Variants in RRAGD observed in about 807,000 individuals in gnomAD.
RRAGD encodes the protein ras-related GTP-binding protein D.
RRAGD carries 12 observed loss-of-function variants against 35.5 expected under a neutral mutation model. The ratio of observed to expected loss-of-function variants is 0.34; its 90% CI spans 0.22 to 0.55. The LOEUF (loss-of-function observed/expected upper bound fraction) is 0.55. RRAGD is among the 20% of genes least tolerant of loss of function. The pLI is 0.91. For missense variants in RRAGD, 324 were observed against 490.1 expected (o/e 0.66, Z 3.20); for synonymous variants, 155 against 178.9 (o/e 0.87, Z 1.07).
At chr6:89,403,855 G>A (rs985821406) in intron 1 of RRAGD, among the ~76,000 whole-genome samples, 2 of 151,790 alleles carry the variant, frequency 1.3e-5, no homozygotes, top group Non-Finnish European at 1.5e-5. Flanking sequence ...GCAGGGTCTC[G>A]CCATGTTGTC....
chr6:89,406,604 C>G (rs906005127), intron 1 of RRAGD, among the ~76,000 whole-genome samples: 4 of 152,150 alleles, frequency 2.6e-5, no homozygotes, highest in African/African-American at 7.2e-5. Flanking sequence ...CCTTCTGGCT[C>G]CCCTATCTGC....
At chr6:89,400,538 G>A (rs1395201141) in intron 1 of RRAGD, among the ~76,000 whole-genome samples, 2 of 151,836 alleles carry the variant, frequency 1.3e-5, no homozygotes, top group Admixed American at 6.6e-5. Flanking sequence ...ATAGAGCCTG[G>A]GTAGCTTAGC....
chr6:89,387,805 G>A (rs1192962475), intron 1 of RRAGD, among the ~76,000 whole-genome samples: 5 of 151,954 alleles, frequency 3.3e-5, no homozygotes, highest in Non-Finnish European at 5.9e-5. Context: ...CAGGCAAAGG[G>A]GACAGCTTTT....
chr6:89,389,075 G>A (rs796069128), intron 1 of RRAGD, among the ~76,000 whole-genome samples: 20 of 152,284 alleles, frequency 1.3e-4, no homozygotes, highest in African/African-American at 4.1e-4. Flanking sequence ...GCCATGCAGC[G>A]CAGTTCCTAA....
chr6:89,409,670 G>A (rs1769657972), intron 1 of RRAGD, among the ~76,000 whole-genome samples: 1 of 152,164 alleles, frequency 6.6e-6, no homozygotes, highest in Non-Finnish European at 1.5e-5. Context: ...ACAGCCATCA[G>A]GAGCAGTCCT....
Position 89,368,206 on chromosome 6 carries a change from C to T in RRAGD, c.1053G>A (p.Gly351=). Residue 351 remains glycine (G), a splice_region_variant and synonymous_variant, in exon 7 of 7, where the codon GGG becomes GGA. Transcript: ENST00000369415. The part of the protein sequence containing the change: ...FVREESFERK[G]LIDYNFHCFR... ...AGCAATGAAAATTATAGTCAATTAG[C>T]CCTGGAGAAGAGAACAAAAATATTT... The T allele has an allele frequency of 6.2e-7, 1 of 1,609,712 alleles. No individual in the cohort carries two copies. Among genetic ancestry groups the T allele is most frequent in the Non-Finnish European group, 8.5e-7 (1 of 1,178,706 alleles).
rs1768767959 is a variant in RRAGD at position 89,367,209 on chromosome 6, G to A, written c.*847C>T. On this transcript the variant is annotated 3_prime_UTR_variant, in exon 7 of 7. Transcript: ENST00000369415. The stretch of plus-strand genomic sequence containing the variant: ...GGCCTCTGATGTTACTTTAGCCCTG[G>A]GTGGTAGGTACAGAAAAGCCTCCAG... 6.6e-6 allele frequency: 1 copy of A among 152,122 alleles called. No homozygotes were observed. Among genetic ancestry groups the A allele is most frequent in the South Asian group, 2.1e-4 (1 of 4,820 alleles). 9.4% of individuals were successfully genotyped at this position (152,122 alleles called of 1,614,324 possible). A position where few individuals can be genotyped will look rare whatever the true frequency, so the allele number is the denominator to read the frequency against.
At chr6:89,410,382 A>G (rs965491888) in intron 1 of RRAGD, among the ~76,000 whole-genome samples, 9 of 152,244 alleles carry the variant, frequency 5.9e-5, no homozygotes, top group African/African-American at 2.2e-4. Flanking sequence ...GAGTCTTCTA[A>G]GAATCTGGGA....
At chr6:89,406,686 A>G (rs1000771939) in intron 1 of RRAGD, among the ~76,000 whole-genome samples, 121 of 152,220 alleles carry the variant, frequency 7.9e-4, no homozygotes, top group Middle Eastern at 3.2e-3. Context: ...TTCTTCCGGT[A>G]CACCAAGGCA....
chr6:89,404,241 A>G (rs570029897), intron 1 of RRAGD, among the ~76,000 whole-genome samples: 2 of 152,378 alleles, frequency 1.3e-5, no homozygotes, highest in African/African-American at 4.8e-5. Context: ...GTAGCTTAAC[A>G]AAATTAAAAT....
In RRAGD at chr6:89,370,478, G is replaced by A. The variant is rs542745125; in HGVS notation, c.1051+1959C>T. Among the ~76,000 whole-genome samples, 9 of 152,146 alleles carry A rather than the reference G, an allele frequency of 5.9e-5. No homozygotes were observed. In the East Asian group the frequency reaches 9.6e-4, roughly 16 times the overall value. On this transcript the variant is annotated intron_variant, in intron 6 of 6. Transcript: ENST00000369415. ...CAAAATAAGTATTCATATTCTCTTC[G>A]CAGCATAAAACCAGAAAATCTTTCT...
intron 1 of RRAGD, among the ~76,000 whole-genome samples, chr6:89,410,487 C>G (rs1362222455): frequency 6.6e-6 from 1 of 152,202 alleles, no homozygotes; most frequent in Non-Finnish European, 1.5e-5. Flanking sequence ...GGCTGAAAGC[C>G]TTTATCTACA....
intron 2 of RRAGD, among the ~76,000 whole-genome samples, chr6:89,380,958 G>A (rs572693533): frequency 6.7e-6 from 1 of 150,298 alleles, no homozygotes; most frequent in South Asian, 2.1e-4. Context: ...GAAGAGAAAC[G>A]GACCCTACTC....
At chr6:89,390,018 C>A (rs1353588669) in intron 1 of RRAGD, among the ~76,000 whole-genome samples, 5 of 152,138 alleles carry the variant, frequency 3.3e-5, no homozygotes, top group Non-Finnish European at 7.3e-5. Flanking sequence ...ATACCATATA[C>A]AAAAATTAAC....
At chr6:89,399,719 C>T (rs901600974) in intron 1 of RRAGD, among the ~76,000 whole-genome samples, 22 of 151,558 alleles carry the variant, frequency 1.5e-4, no homozygotes, top group Non-Finnish European at 3.2e-4. Context: ...GTTAAGGCTG[C>T]AGTGAGCTGT....
At position 89,366,691 on chromosome 6, in the gene RRAGD, C is replaced by T. The variant is rs1012430592; in HGVS notation, c.*1365G>A. The T allele has an allele frequency of 1.3e-5, 2 of 151,726 alleles. No homozygotes were observed. The highest frequency in any genetic ancestry group is 2.9e-5 in the Non-Finnish European group (2 of 67,996). 9.4% of individuals were successfully genotyped at this position (151,726 alleles called of 1,614,324 possible). ...TTAGGGTGCTAACCCTTGAGATGCACGTAAAATTATCTACTTGGAATGATT... is the reference window on the plus strand; with the variant it reads ...TTAGGGTGCTAACCCTTGAGATGCATGTAAAATTATCTACTTGGAATGATT... On this transcript the variant is annotated 3_prime_UTR_variant, in exon 7 of 7. Transcript: ENST00000369415.
chr6:89,387,650 A>T, intron 1 of RRAGD, 60 bp from the exon 2 acceptor site: 1 of 1,439,964 alleles, frequency 6.9e-7, no homozygotes, highest in Middle Eastern at 1.8e-4. Flanking sequence ...TAATTAGAGG[A>T]GTTTCACTTC....
chr6:89,397,349 C>T (rs2127894938), intron 1 of RRAGD, among the ~76,000 whole-genome samples: 1 of 152,258 alleles, frequency 6.6e-6, no homozygotes, highest in Non-Finnish European at 1.5e-5. Context: ...AACATACACA[C>T]CTGTCATACT....
At chr6:89,404,511 C>T (rs1769541219) in intron 1 of RRAGD, among the ~76,000 whole-genome samples, 1 of 152,152 alleles carries the variant, frequency 6.6e-6, no homozygotes, top group Non-Finnish European at 1.5e-5. Context: ...CCACTTGGTG[C>T]TATCAATACC....
Sources: allele counts gnomAD v4.1 joint callset (sites outside exome capture counted in the v4.1 genomes callset), GRCh38; gene constraint gnomAD v4.1.1; transcripts MANE v1.5; gene names NCBI Gene and HGNC (gene_info 2026-07-23, HGNC 2026-07-21).